Variants in WFDC1 observed in about 807,000 individuals in gnomAD.
WFDC1 encodes WAP four-disulfide core domain protein 1.
In WFDC1, 39 loss-of-function variants were observed where a neutral mutation model predicts 32.9. The ratio of observed to expected loss-of-function variants is 1.19; its 90% CI spans 0.92 to 1.55. The LOEUF is 1.55. Among genes scored for constraint, WFDC1 ranks in the 40% most tolerant of loss-of-function variants. The pLI, the probability that WFDC1 is intolerant of heterozygous loss-of-function variation, is 0.00. For synonymous variants in WFDC1, 184 were observed against 137.4 expected, an observed-to-expected ratio of 1.34 and a Z score of -2.37; for missense variants, 386 against 309.5, an observed-to-expected ratio of 1.25 and a Z score of -1.85.
chr16:84,314,414 TAAC>T (rs2151376097), intron 2 of WFDC1, among the ~76,000 whole-genome samples: 1 of 152,194 alleles, frequency 6.6e-6, no homozygotes, highest in African/African-American at 2.4e-5. Context: ...CTCAGGGTGA[TAAC>T]AACAGCTGTT....
intron 1 of WFDC1, among the ~76,000 whole-genome samples, chr16:84,299,825 C>T (rs1291063648): frequency 2.6e-5 from 4 of 152,196 alleles, no homozygotes; most frequent in African/African-American, 4.8e-5. Context: ...CTGAGGGGGG[C>T]TGGGAGGGGC....
chr16:84,321,337 A>T (rs984208909), intron 4 of WFDC1, among the ~76,000 whole-genome samples: 1 of 152,212 alleles, frequency 6.6e-6, no homozygotes, highest in Non-Finnish European at 1.5e-5. Flanking sequence ...TAGACACTCA[A>T]TCCTGCCGTG....
intron 1 of WFDC1, among the ~76,000 whole-genome samples, chr16:84,306,041 AAT>A: frequency 7.6e-6 from 1 of 132,084 alleles, no homozygotes; most frequent in East Asian, 2.0e-4. Context: ...TAATAATAAT[AAT>A]AATAAAAGGA....
At chr16:84,306,559 C>T (rs898974727) in intron 1 of WFDC1, among the ~76,000 whole-genome samples, 16 of 152,190 alleles carry the variant, frequency 1.1e-4, no homozygotes, top group African/African-American at 3.1e-4. Context: ...AATTCACATC[C>T]GCATTAAGTG....
At chr16:84,301,458 A>G (rs978694249) in intron 1 of WFDC1, among the ~76,000 whole-genome samples, 8 of 152,000 alleles carry the variant, frequency 5.3e-5, no homozygotes, top group African/African-American at 1.9e-4. Flanking sequence ...AGAGTCTGGG[A>G]GCTTTGTCTG....
intron 2 of WFDC1, chr16:84,316,182 C>T (rs563667092): frequency 2.6e-5 from 4 of 152,318 alleles, no homozygotes; most frequent in Admixed American, 6.5e-5. Context: ...AGAACCATCG[C>T]GTCATTCCTG....
intron 1 of WFDC1, among the ~76,000 whole-genome samples, chr16:84,298,572 C>A (rs143345201): frequency 5.3e-5 from 8 of 152,152 alleles, no homozygotes; most frequent in Admixed American, 4.6e-4. Context: ...CTGAAATCAA[C>A]CATGCTGGGA....
chr16:84,308,819 T>G (rs1052124546), intron 1 of WFDC1, among the ~76,000 whole-genome samples: 1 of 149,180 alleles, frequency 6.7e-6, no homozygotes, highest in Non-Finnish European at 1.5e-5. Flanking sequence ...GTAGATGCCA[T>G]CCTCAGTGTA....
At position 84,312,945 on chromosome 16, in the gene WFDC1, C is replaced by T; in HGVS notation, c.145-16C>T. 2.6e-6 allele frequency: 3 copies of T among 1,152,374 alleles called. No homozygotes were observed. Among genetic ancestry groups the T allele is most frequent in the Non-Finnish European group, 3.2e-6 (3 of 937,748 alleles). 71.4% of individuals were successfully genotyped at this position (1,152,374 alleles called of 1,614,324 possible). A position where few individuals can be genotyped will look rare whatever the true frequency, so the allele number is the denominator to read the frequency against. On this transcript the variant is annotated splice_polypyrimidine_tract_variant and intron_variant, in intron 1 of 6. Transcript: ENST00000219454. The stretch of plus-strand genomic sequence containing the variant: ...ACGCGCGCCCCAGAGCTGCTGACAC[C>T]GCCCTCTCCCCGCAGGCCGAGGAGG...
At chr16:84,312,711 C>T (rs1597678820) in intron 1 of WFDC1, among the ~76,000 whole-genome samples, 1 of 152,200 alleles carries the variant, frequency 6.6e-6, no homozygotes, top group South Asian at 2.1e-4. Context: ...TCAGCAAACA[C>T]ACCAAGATTT....
chr16:84,302,609 C>A (rs1417976579), intron 1 of WFDC1, among the ~76,000 whole-genome samples: 1 of 152,182 alleles, frequency 6.6e-6, no homozygotes, highest in Non-Finnish European at 1.5e-5. Context: ...TAAATGTTTA[C>A]ATAAGAGCCC....
intron 1 of WFDC1, among the ~76,000 whole-genome samples, chr16:84,304,102 C>T (rs771185077): frequency 6.6e-6 from 1 of 152,212 alleles, no homozygotes; most frequent in African/African-American, 2.4e-5. Context: ...AGCTTGTTTG[C>T]TTTAATTGAA....
At chr16:84,318,866 G>A (rs1031159509) in intron 3 of WFDC1, 4 of 205,284 alleles carry the variant, frequency 1.9e-5, no homozygotes, top group South Asian at 1.8e-4. Flanking sequence ...GTGTGCGGCC[G>A]TATATGCAAC....
At chr16:84,308,844 T>C (rs887397895) in intron 1 of WFDC1, among the ~76,000 whole-genome samples, 1 of 150,188 alleles carries the variant, frequency 6.7e-6, no homozygotes, top group Non-Finnish European at 1.5e-5. Context: ...CCAGCCTGGG[T>C]GTAGATGCCA....
chr16:84,317,695 C>G (rs532862049), intron 2 of WFDC1: 1 of 154,358 alleles, frequency 6.5e-6, no homozygotes, highest in Admixed American at 6.3e-5. Flanking sequence ...TGTGTACCCC[C>G]GAACCTAAAA....
intron 1 of WFDC1, among the ~76,000 whole-genome samples, chr16:84,311,258 T>TC (rs1252730563): frequency 6.6e-6 from 1 of 151,160 alleles, no homozygotes; most frequent in Non-Finnish European, 1.5e-5. Flanking sequence ...TCTTTTTTTT[T>TC]TTTGGAGATG....
In WFDC1 at chr16:84,317,360, A is replaced by G. The variant is rs539509835; in HGVS notation, c.338-912A>G. 11 of 152,068 alleles carry G rather than the reference A, an allele frequency of 7.2e-5. 1 individual carries two copies. In the South Asian group the frequency reaches 2.1e-3, roughly 29 times the overall value. The allele number at this position is 152,068 out of a possible 1,614,324, so 9.4% of individuals were successfully genotyped here. ...AATAAGAAGTAAATAAATAAATAGA[A>G]TAAGAACTTACAGTAAGAAAAAAAA... is the stretch of plus-strand genomic sequence containing the variant. On this transcript the variant is annotated intron_variant, in intron 2 of 6. Transcript: ENST00000219454.
At chr16:84,322,425 A>C (rs143691457) in intron 4 of WFDC1, among the ~76,000 whole-genome samples, 25 of 152,282 alleles carry the variant, frequency 1.6e-4, no homozygotes, top group African/African-American at 5.1e-4. Context: ...TTTTTATTTA[A>C]GTTTTTAAAA....
In WFDC1 at chr16:84,324,406, A is replaced by C. The variant is rs778038927; in HGVS notation, c.563-13A>C. 1 of 1,613,094 alleles carries C rather than the reference A, an allele frequency of 6.2e-7. No homozygotes were observed. The highest frequency in any genetic ancestry group is 2.2e-5 in the East Asian group (1 of 44,878). On this transcript the variant is annotated splice_polypyrimidine_tract_variant and intron_variant, in intron 4 of 6. Transcript: ENST00000219454. ...CTCCTAAAAGAAGTTTTTTCCTCTC[A>C]CTTGTTTTCCAGATGGGCGAATCCT...
Sources: allele counts gnomAD v4.1 joint callset (sites outside exome capture counted in the v4.1 genomes callset), GRCh38; gene constraint gnomAD v4.1.1; transcripts MANE v1.5; gene names NCBI Gene and HGNC (gene_info 2026-07-23, HGNC 2026-07-21).